The following MACROD2 variants were observed in gnomAD, a reference collection of about 807,000 sequenced individuals.
MACROD2 encodes ADP-ribose glycohydrolase MACROD2.
A neutral mutation model predicts 70.4 loss-of-function variants in MACROD2; 36 were observed. That is an observed-to-expected ratio of 0.51 (90% CI 0.39 to 0.68). The LOEUF is 0.68. Among genes scored for constraint, MACROD2 ranks in the 30% least tolerant of loss-of-function variants. The probability of loss-of-function intolerance (pLI) is 0.00; values close to 1 mark genes in which losing one functional copy is unlikely to be tolerated. For synonymous variants in MACROD2, 172 were observed against 178.8 expected, an observed-to-expected ratio of 0.96 and a Z score of 0.30; for missense variants, 496 against 538.4, an observed-to-expected ratio of 0.92 and a Z score of 0.78.
chr20:15,405,752 A>G (rs2045991566), intron 6 of MACROD2, among the ~76,000 whole-genome samples: 1 of 152,152 alleles, frequency 6.6e-6, no homozygotes, highest in South Asian at 2.1e-4. Flanking sequence ...GTCAGGTTCA[A>G]TCACCAACTG....
At chr20:14,004,080 C>A (rs2052776902) in intron 2 of MACROD2, among the ~76,000 whole-genome samples, 1 of 152,176 alleles carries the variant, frequency 6.6e-6, no homozygotes, top group African/African-American at 2.4e-5. Flanking sequence ...TTGGATTATA[C>A]TTGCTGGTTC....
At chr20:15,923,456 G>T (rs1384210445) in intron 10 of MACROD2, among the ~76,000 whole-genome samples, 1 of 152,122 alleles carries the variant, frequency 6.6e-6, no homozygotes, top group Non-Finnish European at 1.5e-5. Flanking sequence ...GGGAATTCTG[G>T]GAGATACAAT....
At chr20:15,484,042 CTTTTATTTTA>C (rs3071258) in intron 7 of MACROD2, among the ~76,000 whole-genome samples, 66 of 136,372 alleles carry the variant, frequency 4.8e-4, no homozygotes, top group Admixed American at 8.1e-4. Context: ...ATCATTATGC[CTTTTATTTTA>C]TTTTATTTTA....
chr20:14,370,086 A>G (rs6110264), intron 3 of MACROD2, among the ~76,000 whole-genome samples: 25,787 of 152,162 alleles, frequency 0.17, 2,624 homozygotes, highest in East Asian at 0.31. Context: ...TTAGAGATAA[A>G]TGGAAATTAA....
At chr20:14,274,738 G>C (rs1013463118) in intron 3 of MACROD2, among the ~76,000 whole-genome samples, 1 of 151,990 alleles carries the variant, frequency 6.6e-6, no homozygotes, top group Non-Finnish European at 1.5e-5. Flanking sequence ...GATTGTATAT[G>C]TAGAAAACCC....
chr20:15,273,235 AG>A (rs773164490), intron 6 of MACROD2, among the ~76,000 whole-genome samples: 139 of 152,216 alleles, frequency 9.1e-4, no homozygotes, highest in Non-Finnish European at 1.5e-5. Context: ...AAAGGTAAAA[AG>A]GAGAGACTGG....
intron 6 of MACROD2, among the ~76,000 whole-genome samples, chr20:15,313,439 G>A (rs797013356): frequency 2.1e-4 from 31 of 150,246 alleles, no homozygotes; most frequent in African/African-American, 6.6e-4. Flanking sequence ...CCTGGGAGAC[G>A]GATCTTGCAG....
chr20:14,081,754 C>T (rs1418526063), intron 2 of MACROD2, among the ~76,000 whole-genome samples: 1 of 152,144 alleles, frequency 6.6e-6, no homozygotes, highest in East Asian at 1.9e-4. Flanking sequence ...AAAAATACTT[C>T]ATTAGGTTTT....
At chr20:15,404,909 T>TCAG in intron 6 of MACROD2, among the ~76,000 whole-genome samples, 1 of 152,272 alleles carries the variant, frequency 6.6e-6, no homozygotes, top group Middle Eastern at 3.4e-3. Context: ...TAAATATCTA[T>TCAG]CAGCAAAATG....
At chr20:14,010,500 A>G (rs745345910) in intron 2 of MACROD2, among the ~76,000 whole-genome samples, 9 of 152,166 alleles carry the variant, frequency 5.9e-5, no homozygotes, top group Non-Finnish European at 1.2e-4. Context: ...TTCTCTAAAA[A>G]TGTATGGTAC....
chr20:15,650,629 A>G (rs2049628794), intron 8 of MACROD2, among the ~76,000 whole-genome samples: 1 of 152,164 alleles, frequency 6.6e-6, no homozygotes. Flanking sequence ...CACTTTTTAT[A>G]AAATAAAGGA....
intron 5 of MACROD2, among the ~76,000 whole-genome samples, chr20:15,020,594 G>A (rs979688024): frequency 7.2e-5 from 11 of 152,194 alleles, no homozygotes; most frequent in South Asian, 4.1e-4. Flanking sequence ...AGGCAATGTC[G>A]TCATCATGTG....
intron 8 of MACROD2, among the ~76,000 whole-genome samples, chr20:15,547,236 T>TG (rs1371450344): frequency 6.6e-6 from 1 of 152,208 alleles, no homozygotes; most frequent in African/African-American, 2.4e-5. Context: ...TGTCAGTACA[T>TG]GGTGGAGGTT....
intron 6 of MACROD2, among the ~76,000 whole-genome samples, chr20:15,235,803 C>A (rs925417723): frequency 1.3e-5 from 2 of 152,140 alleles, no homozygotes; most frequent in Admixed American, 1.3e-4. Flanking sequence ...CATTTGGTAC[C>A]TCTGCTCCTC....
rs2067174509 is a variant in MACROD2, at chr20:16,032,917, G to T, written c.1154-8284G>T. 2.0e-5 allele frequency among the ~76,000 whole-genome samples: 3 copies of T among 152,026 alleles called. No homozygotes were observed. The South Asian group carries it at 6.2e-4, about 31-fold the overall frequency. ...AGACTCTGGACACCCTATCTACTAA[G>T]AGGTAAAAACTGAAAATGCCTCTGA... On this transcript the variant is annotated intron_variant, in intron 15 of 17. Transcript: ENST00000684519.
chr20:15,500,166 T>C (rs1362125661), intron 8 of MACROD2, among the ~76,000 whole-genome samples: 2 of 152,204 alleles, frequency 1.3e-5, no homozygotes, highest in East Asian at 1.9e-4. Context: ...TAAGGAGTTT[T>C]CCTATGCTAT....
chr20:14,465,845 A>G (rs974752961), intron 3 of MACROD2, among the ~76,000 whole-genome samples: 4 of 152,104 alleles, frequency 2.6e-5, no homozygotes, highest in Non-Finnish European at 5.9e-5. Context: ...TTTCTTTAAG[A>G]ATGTTGAATA....
chr20:15,103,055 A>G (rs186601679), intron 5 of MACROD2, among the ~76,000 whole-genome samples: 1 of 152,314 alleles, frequency 6.6e-6, no homozygotes, highest in East Asian at 1.9e-4. Flanking sequence ...CATGGGAATC[A>G]TAAGCACAAA....
chr20:14,407,369 T>C (rs2083702147), intron 3 of MACROD2, among the ~76,000 whole-genome samples: 1 of 152,070 alleles, frequency 6.6e-6, no homozygotes, highest in African/African-American at 2.4e-5. Flanking sequence ...GTGACTCTGT[T>C]TTCTGGCTTC....
Sources: allele counts gnomAD v4.1 joint callset (sites outside exome capture counted in the v4.1 genomes callset), GRCh38; gene constraint gnomAD v4.1.1; transcripts MANE v1.5; gene names NCBI Gene and HGNC (gene_info 2026-07-23, HGNC 2026-07-21).